VSTM2A: variants seen among roughly 807,000 people sequenced by gnomAD.
VSTM2A encodes the protein V-set and transmembrane domain containing 2A, also known as V-set and transmembrane domain-containing protein 2A.
Under a neutral mutation model 27.3 loss-of-function variants are expected in VSTM2A, and 13 were observed. The observed-to-expected ratio is 0.48, with a 90% CI of 0.31 to 0.76. The LOEUF (loss-of-function observed/expected upper bound fraction) is 0.76, where lower values mean the gene tolerates loss of function less well. Ranked by LOEUF, VSTM2A falls within the 30% of genes least tolerant of loss-of-function variation. VSTM2A has a pLI of 0.05. For synonymous variants in VSTM2A, 142 were observed against 125.7 expected (o/e 1.13, Z -0.87); for missense variants, 280 against 310.0 (o/e 0.90, Z 0.73).
chr7:54,548,838 G>A (rs1250523416), intron 3 of VSTM2A, among the ~76,000 whole-genome samples: 4 of 151,946 alleles, frequency 2.6e-5, no homozygotes, highest in Admixed American at 2.0e-4. Flanking sequence ...GTTTGAAAGT[G>A]TAGTGGCCAT....
chr7:54,550,734 C>T (rs1188576924), intron 4 of VSTM2A: 2 of 153,620 alleles, frequency 1.3e-5, no homozygotes, highest in African/African-American at 2.4e-5. Context: ...GGCAACTCCT[C>T]TGTGAATTTG....
chr7:54,544,362 T>C (rs546120868), intron 1 of VSTM2A, among the ~76,000 whole-genome samples: 1 of 152,318 alleles, frequency 6.6e-6, no homozygotes, highest in Non-Finnish European at 1.5e-5. Context: ...TGCGGGGATC[T>C]TGGCTAAGAG....
At chr7:54,542,832 T>TG (rs777269923) in intron 1 of VSTM2A, 23 bp downstream of exon 1, 3 of 1,605,054 alleles carry the variant, frequency 1.9e-6, no homozygotes, top group South Asian at 2.2e-5. Flanking sequence ...CAATGGCAAA[T>TG]ATACATTTGC....
chr7:54,552,075 T>C (rs1239542806), intron 4 of VSTM2A: 1 of 152,212 alleles, frequency 6.6e-6, no homozygotes, highest in African/African-American at 2.4e-5. Flanking sequence ...CTTCTAACAA[T>C]TATCAAATAA....
chr7:54,558,634 T>C (rs1788450022), intron 4 of VSTM2A: 1 of 151,974 alleles, frequency 6.6e-6, no homozygotes, highest in Non-Finnish European at 1.5e-5. Context: ...GAAACAGAAA[T>C]ATGAATAGAT....
chr7:54,562,311 G>T (rs1346733575), intron 4 of VSTM2A, among the ~76,000 whole-genome samples: 1 of 152,080 alleles, frequency 6.6e-6, no homozygotes, highest in Non-Finnish European at 1.5e-5. Context: ...CATATTTGGA[G>T]CCATGTTTCT....
In VSTM2A at chr7:54,549,999, C is replaced by T. The variant is rs758551941; in HGVS notation, c.463C>T (p.Arg155Cys). ...GAAAGTCAATGCCAACAGCCATGCC[C>T]GCAGAATGCAGGCCTTCGAAGCCTC... ...YLKVNANSHA[R>C]RMQAFEASPM... is the part of the protein sequence containing the mutation. Residue 155 changes from arginine (R) to cysteine (C), a missense_variant, in exon 4 of 5, where the codon CGC (arginine) becomes TGC (cysteine). By Grantham distance (180) the Arg-to-Cys change is radical. Transcript: ENST00000402613. 7 of 1,612,868 alleles carry T rather than the reference C, an allele frequency of 4.3e-6. No homozygotes were observed. The highest frequency in any genetic ancestry group is 2.2e-5 in the East Asian group (1 of 44,832).
chr7:54,549,416 C>T (rs1231259827), intron 3 of VSTM2A, among the ~76,000 whole-genome samples: 1 of 152,194 alleles, frequency 6.6e-6, no homozygotes, highest in Non-Finnish European at 1.5e-5. Context: ...TGTGATGTCT[C>T]AGAGTTGAGG....
At chr7:54,559,971 T>C (rs1788500577) in intron 4 of VSTM2A, 2 of 152,138 alleles carry the variant, frequency 1.3e-5, no homozygotes, top group South Asian at 2.1e-4. Flanking sequence ...CAGCAGTCAA[T>C]GTAAGTTATG....
Position 54,548,934 on chromosome 7 carries a change from T to C in VSTM2A, c.298-900T>C, listed in dbSNP as rs187733578. 6.5e-3 allele frequency among the ~76,000 whole-genome samples: 980 copies of C among 151,612 alleles called. 9 individuals are homozygous for C. Among genetic ancestry groups the C allele is most frequent in the African/African-American group, 0.023 (937 of 41,442 alleles). On this transcript the variant is annotated intron_variant, in intron 3 of 4. Coordinates refer to ENST00000402613, the MANE Select transcript of VSTM2A (RefSeq NM_001301009.2). ...AAATTCTTGAATCCCAAATGTCTTA[T>C]GAACCCTATCATTGTCTCAGTTATG... is the stretch of plus-strand genomic sequence containing the variant.
Position 54,569,441 on chromosome 7 carries a change from G to C in VSTM2A, c.*222G>C, listed in dbSNP as rs922707006. The C allele has an allele frequency of 2.8e-6, 2 of 712,770 alleles. No individual in the cohort carries two copies. Among genetic ancestry groups the C allele is most frequent in the African/African-American group, 1.8e-5 (1 of 55,880 alleles). 44.2% of individuals were successfully genotyped at this position (712,770 alleles called of 1,614,324 possible). A position where few individuals can be genotyped will look rare whatever the true frequency, so the allele number is the denominator to read the frequency against. ...CAAGGGTTGGCCTGAATGTCATCAG[G>C]ATAGGGAATATTTACTATGGATACC... On this transcript the variant is annotated 3_prime_UTR_variant, in exon 5 of 5. Coordinates refer to ENST00000402613, the MANE Select transcript of VSTM2A (RefSeq NM_001301009.2).
Position 54,570,302 on chromosome 7 carries a change from G to A in VSTM2A, c.*1083G>A, listed in dbSNP as rs1788852187. The A allele has an allele frequency of 6.6e-6, 1 of 152,128 alleles. No individual in the cohort carries two copies. The highest frequency in any genetic ancestry group is 1.5e-5 in the Non-Finnish European group (1 of 68,016). The allele number at this position is 152,128 out of a possible 1,614,324, so 9.4% of individuals were successfully genotyped here. ...TTGTCAAATAGAAATGTTGCTTCTAGAAAATTTGCCTAGGAGGCGAATGTG... is the reference window on the plus strand; with the variant it reads ...TTGTCAAATAGAAATGTTGCTTCTAAAAAATTTGCCTAGGAGGCGAATGTG... On this transcript the variant is annotated 3_prime_UTR_variant, in exon 5 of 5. Coordinates refer to ENST00000402613, the MANE Select transcript of VSTM2A (RefSeq NM_001301009.2).
At chr7:54,551,970 T>C (rs561582847) in intron 4 of VSTM2A, 3 of 152,334 alleles carry the variant, frequency 2.0e-5, no homozygotes, top group African/African-American at 7.2e-5. Context: ...TTTCTTAGCT[T>C]TTGGGGTTTA....
chr7:54,548,449 T>C (rs1788074950), intron 3 of VSTM2A, among the ~76,000 whole-genome samples: 1 of 151,730 alleles, frequency 6.6e-6, no homozygotes, highest in Non-Finnish European at 1.5e-5. Context: ...ATACTGATGA[T>C]ATAAGCTCCA....
At chr7:54,551,200 A>G (rs574631991) in intron 4 of VSTM2A, 2 of 152,260 alleles carry the variant, frequency 1.3e-5, no homozygotes, top group East Asian at 3.9e-4. Context: ...TCCTAATCAA[A>G]TATAGACTTT....
At chr7:54,557,485 C>T (rs1788406158) in intron 4 of VSTM2A, among the ~76,000 whole-genome samples, 1 of 151,996 alleles carries the variant, frequency 6.6e-6, no homozygotes, top group Non-Finnish European at 1.5e-5. Flanking sequence ...AGGTGCGCAC[C>T]ACCACGCCCG....
intron 4 of VSTM2A, among the ~76,000 whole-genome samples, chr7:54,561,589 G>A (rs1480987130): frequency 6.6e-6 from 1 of 152,174 alleles, no homozygotes; most frequent in Non-Finnish European, 1.5e-5. Flanking sequence ...CTTGATAAAT[G>A]AGATGTGAAT....
chr7:54,565,412 A>G (rs1788690881), intron 4 of VSTM2A, among the ~76,000 whole-genome samples: 1 of 152,166 alleles, frequency 6.6e-6, no homozygotes, highest in African/African-American at 2.4e-5. Flanking sequence ...ACGCGGAGGG[A>G]TGCAGCACTG....
intron 3 of VSTM2A, among the ~76,000 whole-genome samples, chr7:54,549,437 A>G (rs1788108953): frequency 6.6e-6 from 1 of 152,248 alleles, no homozygotes; most frequent in South Asian, 2.1e-4. Flanking sequence ...GGCTTAGTTT[A>G]TAGCCCACAG....
Sources: gnomAD v4.1 joint callset for allele counts (sites outside exome capture counted in the v4.1 genomes callset) on GRCh38, gnomAD v4.1.1 for gene constraint, MANE v1.5 for transcripts, NCBI Gene and HGNC (gene_info 2026-07-23, HGNC 2026-07-21) for gene names.